Variants in PTBP2 observed in about 807,000 individuals in gnomAD.
PTBP2 encodes polypyrimidine tract binding protein 2, also known as polypyrimidine tract-binding protein 2.
PTBP2 carries 13 observed loss-of-function variants against 61.4 expected under a neutral mutation model. The ratio of observed to expected loss-of-function variants is 0.21; its 90% CI spans 0.14 to 0.34. The LOEUF is 0.34. Ranked by LOEUF, PTBP2 falls within the 10% of genes least tolerant of loss-of-function variation. The probability of loss-of-function intolerance (pLI) is 1.00; values close to 1 mark genes in which losing one functional copy is unlikely to be tolerated. For synonymous variants in PTBP2, 215 were observed against 218.5 expected (o/e 0.98, Z 0.14); for missense variants, 405 against 642.6 (o/e 0.63, Z 4.00).
At position 96,813,914 on chromosome 1, in the gene PTBP2, T is replaced by C. The variant is rs764903214; in HGVS notation, c.*509T>C. On this transcript the variant is annotated 3_prime_UTR_variant, in exon 14 of 14. Coordinates refer to ENST00000674951, the MANE Select transcript of PTBP2 (RefSeq NM_021190.4). Reference sequence around the variant, plus strand: ...ATTTAATCAAATAAGATACATGATATTGAAAGAATAAAGCAGCATTTTTAG... The same window carrying C: ...ATTTAATCAAATAAGATACATGATACTGAAAGAATAAAGCAGCATTTTTAG... 2.6e-5 allele frequency: 4 copies of C among 152,488 alleles called. No individual in the cohort carries two copies. The highest frequency in any genetic ancestry group is 5.9e-5 in the Non-Finnish European group (4 of 67,936). The allele number at this position is 152,488 out of a possible 1,614,324, so 9.4% of individuals were successfully genotyped here.
chr1:96,741,013 G>A (rs918718800), intron 2 of PTBP2, among the ~76,000 whole-genome samples: 1 of 151,792 alleles, frequency 6.6e-6, no homozygotes, highest in Non-Finnish European at 1.5e-5. Flanking sequence ...TGCTTTCATA[G>A]GTAATTATAT....
chr1:96,781,851 C>A (rs377376828), intron 7 of PTBP2, among the ~76,000 whole-genome samples: 1 of 151,854 alleles, frequency 6.6e-6, no homozygotes, highest in Non-Finnish European at 1.5e-5. Flanking sequence ...TTTATGCGAT[C>A]CTCATATTTA....
chr1:96,736,715 G>T (rs1218931615), intron 2 of PTBP2, among the ~76,000 whole-genome samples: 3 of 151,960 alleles, frequency 2.0e-5, no homozygotes, highest in African/African-American at 7.3e-5. Flanking sequence ...ATAGGGTCTT[G>T]CTCTGTCCAC....
rs370081109 is a variant in PTBP2, at chr1:96,769,696, C to G, written c.116-7C>G. 1.4e-5 allele frequency: 21 copies of G among 1,553,068 alleles called. No individual in the cohort carries two copies. The East Asian group carries it at 4.7e-4, about 35-fold the overall frequency. On this transcript the variant is annotated splice_region_variant and splice_polypyrimidine_tract_variant and intron_variant, in intron 3 of 13. Transcript: ENST00000674951. ...ATATATAAGGACTGTTTTTTAATGT[C>G]TTTCAGCCAATGGTAATGATAGTAA...
rs72974579 is a variant in PTBP2, at chr1:96,728,756, G to A, written c.39+5162G>A. 5.1e-3 allele frequency among the ~76,000 whole-genome samples: 771 copies of A among 151,144 alleles called. 4 individuals are homozygous for A. The highest frequency in any genetic ancestry group is 0.018 in the African/African-American group (729 of 41,174). On this transcript the variant is annotated intron_variant, in intron 2 of 13. Coordinates refer to ENST00000674951, the MANE Select transcript of PTBP2 (RefSeq NM_021190.4). Reference sequence around the variant, plus strand: ...ACTTGAATCTGTAGAGCAAATTTGGGGAAAATTGGCATCATGACTACAATT... The same window carrying A: ...ACTTGAATCTGTAGAGCAAATTTGGAGAAAATTGGCATCATGACTACAATT...
Position 96,813,480 on chromosome 1 carries a change from G to T in PTBP2, c.*75G>T. The T allele has an allele frequency of 7.6e-7, 1 of 1,314,876 alleles. No homozygotes were observed. The highest frequency in any genetic ancestry group is 1.0e-6 in the Non-Finnish European group (1 of 997,020). 81.5% of individuals were successfully genotyped at this position (1,314,876 alleles called of 1,614,324 possible). The stretch of plus-strand genomic sequence containing the variant: ...CCTATTTGACTGTTCAGAAAAGTGG[G>T]GACCAGAGTTTGATTTTTTTTGTTT... On this transcript the variant is annotated 3_prime_UTR_variant, in exon 14 of 14. Coordinates refer to ENST00000674951, the MANE Select transcript of PTBP2 (RefSeq NM_021190.4).
At chr1:96,765,020 C>T (rs943501571) in intron 3 of PTBP2, among the ~76,000 whole-genome samples, 23 of 152,204 alleles carry the variant, frequency 1.5e-4, no homozygotes, top group African/African-American at 5.3e-4. Flanking sequence ...GAAGTACCAC[C>T]TATCTGCACC....
At chr1:96,788,047 C>T (rs1313406544) in intron 8 of PTBP2, among the ~76,000 whole-genome samples, 1 of 152,066 alleles carries the variant, frequency 6.6e-6, no homozygotes, top group Non-Finnish European at 1.5e-5. Flanking sequence ...CCTACTTTTT[C>T]CCCTGCCAGC....
chr1:96,798,295 A>C (rs1660599026), intron 8 of PTBP2, among the ~76,000 whole-genome samples: 1 of 151,552 alleles, frequency 6.6e-6, no homozygotes, highest in African/African-American at 2.4e-5. Context: ...AATCTTAGCT[A>C]CTCAGGAGGC....
intron 11 of PTBP2, among the ~76,000 whole-genome samples, chr1:96,807,551 C>CA (rs777931983): frequency 1.3e-5 from 2 of 152,162 alleles, no homozygotes; most frequent in Non-Finnish European, 2.9e-5. Context: ...CACATTCACA[C>CA]CAGTGATTGA....
chr1:96,780,066 A>G (rs1272046152), intron 7 of PTBP2, among the ~76,000 whole-genome samples: 1 of 152,070 alleles, frequency 6.6e-6, no homozygotes, highest in East Asian at 1.9e-4. Context: ...GGAAAATCAC[A>G]TGGAAGCTTC....
intron 2 of PTBP2, among the ~76,000 whole-genome samples, chr1:96,730,501 C>T (rs548652802): frequency 6.6e-4 from 101 of 152,148 alleles, no homozygotes; most frequent in African/African-American, 2.3e-3. Flanking sequence ...TTGGAGTTTT[C>T]CATATATCTT....
chr1:96,787,088 T>G (rs1399719997), intron 8 of PTBP2, among the ~76,000 whole-genome samples: 7 of 152,164 alleles, frequency 4.6e-5, no homozygotes, highest in Non-Finnish European at 1.0e-4. Context: ...TGGCGCAGTC[T>G]CGGCTCACTG....
At chr1:96,772,036 A>G (rs754045280) in intron 5 of PTBP2, among the ~76,000 whole-genome samples, 1 of 152,066 alleles carries the variant, frequency 6.6e-6, no homozygotes, top group Non-Finnish European at 1.5e-5. Context: ...GTGTTCTCCA[A>G]CTTAGCTCAG....
rs1321699119 is a variant in PTBP2 at position 96,785,224 on chromosome 1, G to A, written c.874G>A (p.Ala292Thr). ...ACCTGCATTGGACCCAGCTATTGCT[G>A]CAGCATTTGCCAAGGAGACATCCCT... ...GQPALDPAIA[A>T]AFAKETSLLA... The change falls in exon 8 of 14, where the codon GCA becomes ACA. Residue 292 changes from alanine (A) to threonine (T), a missense_variant. Around this residue, in one of 4 missense-constraint regions of PTBP2, gnomAD observed 342 missense variants for 491.2 expected, o/e 0.70. Coordinates refer to ENST00000674951, the MANE Select transcript of PTBP2 (RefSeq NM_021190.4). 3.1e-6 allele frequency: 5 copies of A among 1,597,148 alleles called. No homozygotes were observed. The highest frequency in any genetic ancestry group is 4.3e-6 in the Non-Finnish European group (5 of 1,173,922).
chr1:96,766,968 G>A (rs370947134), intron 3 of PTBP2, among the ~76,000 whole-genome samples: 1 of 151,964 alleles, frequency 6.6e-6, no homozygotes, highest in Non-Finnish European at 1.5e-5. Flanking sequence ...TCTAATCTTG[G>A]GCATTTAACT....
chr1:96,793,772 T>G (rs1660093442), intron 8 of PTBP2, among the ~76,000 whole-genome samples: 2 of 152,180 alleles, frequency 1.3e-5, no homozygotes, highest in Non-Finnish European at 2.9e-5. Flanking sequence ...TTAATTCCAT[T>G]ATAAATAATA....
chr1:96,819,133 A>G (rs975142395), downstream of PTBP2: 2 of 151,962 alleles, frequency 1.3e-5, no homozygotes, highest in Non-Finnish European at 2.9e-5. Flanking sequence ...TGTTTATTAC[A>G]TTTTGTGGTT....
intron 8 of PTBP2, among the ~76,000 whole-genome samples, chr1:96,794,787 T>G (rs1008193111): frequency 1.3e-5 from 2 of 152,102 alleles, no homozygotes; most frequent in South Asian, 2.1e-4. Context: ...AAGGAGAAAT[T>G]GGGAGGGTTT....
Sources: allele counts gnomAD v4.1 joint callset (sites outside exome capture counted in the v4.1 genomes callset), GRCh38; gene constraint gnomAD v4.1.1; regional missense constraint gnomAD v4.1.1; transcripts MANE v1.5; gene names NCBI Gene and HGNC (gene_info 2026-07-23, HGNC 2026-07-21).